The following DNA2 variants were observed in gnomAD, a reference collection of about 807,000 sequenced individuals.
DNA2 encodes the protein DNA replication ATP-dependent helicase/nuclease DNA2.
A neutral mutation model predicts 119.1 loss-of-function variants in DNA2; 101 were observed. That is an observed-to-expected ratio of 0.85 (90% CI 0.72 to 1.00). The LOEUF (loss-of-function observed/expected upper bound fraction) is 1.00, where lower values mean the gene tolerates loss of function less well. Ranked by LOEUF, DNA2 falls within the 50% of genes least tolerant of loss-of-function variation. DNA2 has a pLI of 0.00. For synonymous variants in DNA2, 366 were observed against 424.4 expected, an observed-to-expected ratio of 0.86 and a Z score of 1.69; for missense variants, 1,121 against 1,255.5, an observed-to-expected ratio of 0.89 and a Z score of 1.62.
chr10:68,429,145 T>C (rs1369956784), intron 14 of DNA2, among the ~76,000 whole-genome samples: 1 of 151,766 alleles, frequency 6.6e-6, no homozygotes, highest in Non-Finnish European at 1.5e-5. Context: ...GAACACTCTA[T>C]TAAATCTAAT....
At chr10:68,456,331 C>A (rs1338430597) in intron 5 of DNA2, among the ~76,000 whole-genome samples, 1 of 152,332 alleles carries the variant, frequency 6.6e-6, no homozygotes, top group South Asian at 2.1e-4. Context: ...CTGGGATTCA[C>A]ATCCAGGCTC....
chr10:68,437,789 C>T (rs543907235), intron 9 of DNA2, among the ~76,000 whole-genome samples: 2 of 151,924 alleles, frequency 1.3e-5, no homozygotes, highest in Admixed American at 6.6e-5. Flanking sequence ...TTTGAGACAC[C>T]CTCCGACCCC....
chr10:68,472,068 T>C (rs751450216), upstream of DNA2: 16 of 1,589,524 alleles, frequency 1.0e-5, no homozygotes, highest in Admixed American at 7.1e-5. Context: ...GCAGCAGGGC[T>C]CTGTCCCCTG....
chr10:68,468,254 T>C lies in DNA2; in HGVS notation c.310A>G (p.Thr104Ala), dbSNP rs2052349348. ...TTATCTATTATCCAAGTGTCAGATG[T>C]GCAGTCTCCCTCCAAATGAATGATA... Reference protein sequence around the residue: ...GDIIHLEGDCTSDTWIIDKDF... With the variant: ...GDIIHLEGDCASDTWIIDKDF... Residue 104 changes from threonine to alanine, a missense_variant, in exon 3 of 21, where the codon ACA becomes GCA. Thr to Ala is a moderately conservative substitution (Grantham distance 58, BLOSUM62 0). Transcript: ENST00000358410. The C allele has an allele frequency of 1.2e-6, 2 of 1,610,972 alleles. No individual in the cohort carries two copies. The highest frequency in any genetic ancestry group is 2.7e-5 in the African/African-American group (2 of 75,012).
chr10:68,450,135 C>A lies in DNA2; in HGVS notation c.832G>T (p.Val278Phe). The part of the protein sequence containing the change: ...PRFGLKGKID[V>F]TVGVKIHRGY... ...CGATGTATTTTCACACCAACTGTAA[C>A]ATCTATTTTGCCTTTCAATCCAAAC... Residue 278 changes from valine to phenylalanine, a missense_variant, in exon 6 of 21, where the codon GTT (valine) becomes TTT (phenylalanine). Coordinates refer to ENST00000358410, the MANE Select transcript of DNA2 (RefSeq NM_001080449.3). 2.5e-6 allele frequency: 4 copies of A among 1,607,768 alleles called. No homozygotes were observed. In the South Asian group the frequency reaches 4.4e-5, roughly 18 times the overall value.
In DNA2 at chr10:68,459,853, G is replaced by A. The variant is rs10823203; in HGVS notation, c.588-618C>T. On this transcript the variant is annotated intron_variant, in intron 4 of 20. Transcript: ENST00000358410. Reference sequence around the variant, plus strand: ...ACAAGCCTGGCCAACATGGTGAAACGCTGTCTCTACTAAAAACACAAAAAT... The same window carrying A: ...ACAAGCCTGGCCAACATGGTGAAACACTGTCTCTACTAAAAACACAAAAAT... 2.0e-5 allele frequency among the ~76,000 whole-genome samples: 3 copies of A among 151,634 alleles called. No homozygotes were observed. In the East Asian group the frequency reaches 5.8e-4, roughly 30 times the overall value.
intron 6 of DNA2, 37 bp downstream of exon 6, chr10:68,449,991 A>AT: frequency 1.5e-6 from 2 of 1,344,066 alleles, no homozygotes; most frequent in Non-Finnish European, 2.0e-6. Context: ...AAAAAAAAAA[A>AT]GTATAAAACA....
Position 68,415,014 on chromosome 10 carries a change from A to G in DNA2, c.*25T>C. 5.3e-6 allele frequency: 8 copies of G among 1,512,190 alleles called. No individual in the cohort carries two copies. Among genetic ancestry groups the G allele is most frequent in the Non-Finnish European group, 7.2e-6 (8 of 1,105,860 alleles). The allele number at this position is 1,512,190 out of a possible 1,614,324, so 93.7% of individuals were successfully genotyped here. ...TAGCTAGAGGAGATACTGCCCTAGT[A>G]TGAAAAGGCAAGGGAAATAGTGTTT... On this transcript the variant is annotated 3_prime_UTR_variant, in exon 21 of 21. Coordinates refer to ENST00000358410, the MANE Select transcript of DNA2 (RefSeq NM_001080449.3).
chr10:68,430,088 T>C (rs1014545205), intron 14 of DNA2, among the ~76,000 whole-genome samples: 1 of 151,900 alleles, frequency 6.6e-6, no homozygotes, highest in African/African-American at 2.4e-5. Flanking sequence ...GTTTTCACCA[T>C]GTTGGCCAGG....
At chr10:68,433,173 C>G (rs2051843958) in intron 10 of DNA2, among the ~76,000 whole-genome samples, 1 of 152,202 alleles carries the variant, frequency 6.6e-6, no homozygotes, top group Non-Finnish European at 1.5e-5. Flanking sequence ...TGCTCCTTCT[C>G]TGGTCCTGAT....
At chr10:68,454,580 T>C (rs929841575) in intron 5 of DNA2, among the ~76,000 whole-genome samples, 1 of 151,914 alleles carries the variant, frequency 6.6e-6, no homozygotes, top group Admixed American at 6.6e-5. Context: ...GTGAGGTGGG[T>C]GGATCACCTA....
At chr10:68,432,710 G>A (rs1326562107) in intron 10 of DNA2, among the ~76,000 whole-genome samples, 200 bp from the exon 11 acceptor site, 2 of 152,132 alleles carry the variant, frequency 1.3e-5, no homozygotes, top group African/African-American at 4.8e-5. Context: ...GAAGGTCCAA[G>A]GCACCAAGGT....
At chr10:68,447,606 T>C (rs1211349647) in intron 6 of DNA2, among the ~76,000 whole-genome samples, 1 of 150,062 alleles carries the variant, frequency 6.7e-6, no homozygotes, top group Non-Finnish European at 1.5e-5. Flanking sequence ...GGAGGATTGA[T>C]TGACCCTGGG....
chr10:68,471,734 C>A, intron 1 of DNA2, 57 bp downstream of exon 1: 1 of 1,503,156 alleles, frequency 6.7e-7, no homozygotes, highest in South Asian at 1.4e-5. Context: ...CAGCCTCTCC[C>A]GCTCCTTCTT....
chr10:68,443,384 A>G (rs1212681667), intron 8 of DNA2, among the ~76,000 whole-genome samples: 2 of 152,346 alleles, frequency 1.3e-5, no homozygotes, highest in East Asian at 3.9e-4. Context: ...TCCCATATGC[A>G]ACAAGTTTTG....
At chr10:68,458,364 T>C (rs1164626599) in intron 5 of DNA2, among the ~76,000 whole-genome samples, 3 of 151,888 alleles carry the variant, frequency 2.0e-5, no homozygotes, top group Non-Finnish European at 4.4e-5. Context: ...AAACCCTGTC[T>C]CTACTAAAAA....
intron 9 of DNA2, among the ~76,000 whole-genome samples, chr10:68,438,282 G>A (rs1329317858): frequency 6.6e-6 from 1 of 152,166 alleles, no homozygotes; most frequent in Non-Finnish European, 1.5e-5. Context: ...CATTTTCGGA[G>A]GCCGAGGCAG....
At chr10:68,451,783 C>T (rs2052121725) in intron 5 of DNA2, among the ~76,000 whole-genome samples, 1 of 149,620 alleles carries the variant, frequency 6.7e-6, no homozygotes, top group Non-Finnish European at 1.5e-5. Flanking sequence ...TAGAGACAGG[C>T]TTTTGCCATG....
intron 5 of DNA2, among the ~76,000 whole-genome samples, chr10:68,450,663 C>A (rs1590067416): frequency 6.6e-6 from 1 of 152,178 alleles, no homozygotes; most frequent in Non-Finnish European, 1.5e-5. Context: ...TTTTCTCAGG[C>A]CTAGATTACA....
Sources: gnomAD v4.1 joint callset for allele counts (sites outside exome capture counted in the v4.1 genomes callset) on GRCh38, gnomAD v4.1.1 for gene constraint, MANE v1.5 for transcripts, NCBI Gene and HGNC (gene_info 2026-07-23, HGNC 2026-07-21) for gene names.